COBLL1: variants seen among roughly 807,000 people sequenced by gnomAD.
COBLL1 encodes cordon-bleu WH2 repeat protein like 1.
In COBLL1, 50 loss-of-function variants were observed where a neutral mutation model predicts 94.8. That is an observed-to-expected ratio of 0.53 (90% CI 0.42 to 0.67). The LOEUF (loss-of-function observed/expected upper bound fraction) is 0.67, where lower values mean the gene tolerates loss of function less well. COBLL1 is among the 30% of genes least tolerant of loss of function. COBLL1 has a pLI of 0.00. For missense variants in COBLL1, 1,362 were observed against 1,348.7 expected (o/e 1.01, Z -0.15); for synonymous variants, 448 against 473.8 (o/e 0.95, Z 0.71).
intron 11 of COBLL1, chr2:164,698,261 G>T (rs947746263): frequency 6.6e-6 from 1 of 151,664 alleles, no homozygotes; most frequent in African/African-American, 2.4e-5. Flanking sequence ...AAGTGGAAAA[G>T]AATGAAAAAA....
chr2:164,698,296 TATG>T (rs1247298002), intron 11 of COBLL1: 3 of 151,684 alleles, frequency 2.0e-5, no homozygotes, highest in Admixed American at 6.6e-5. Context: ...ACCTTCTCAG[TATG>T]ATATCTCACA....
chr2:164,809,459 G>A (rs1324502892), intron 2 of COBLL1, among the ~76,000 whole-genome samples: 1 of 151,902 alleles, frequency 6.6e-6, no homozygotes, highest in Admixed American at 6.6e-5. Context: ...AAAAATATTT[G>A]GGGGTCTAAA....
At chr2:164,746,888 C>G (rs1386955018) in intron 2 of COBLL1, among the ~76,000 whole-genome samples, 1 of 152,124 alleles carries the variant, frequency 6.6e-6, no homozygotes, top group Non-Finnish European at 1.5e-5. Context: ...ACCCCCATCT[C>G]TCTGCTTTAC....
chr2:164,702,123 T>C (rs1206764313), intron 9 of COBLL1, among the ~76,000 whole-genome samples: 1 of 152,114 alleles, frequency 6.6e-6, no homozygotes, highest in Non-Finnish European at 1.5e-5. Flanking sequence ...AATAGATTAC[T>C]CAATAAAAAA....
At chr2:164,692,573 G>C in intron 12 of COBLL1, 176 bp from the exon 13 acceptor site, 2 of 553,234 alleles carry the variant, frequency 3.6e-6, no homozygotes, top group Non-Finnish European at 6.4e-6. Context: ...AGCTAAGCTG[G>C]AAGATGAGGG....
At chr2:164,816,287 C>T (rs921281214) in intron 2 of COBLL1, among the ~76,000 whole-genome samples, 1 of 151,952 alleles carries the variant, frequency 6.6e-6, no homozygotes. Context: ...GTGAAACTCC[C>T]CAGTCTTCAG....
At chr2:164,741,903 G>A (rs556214511) in intron 3 of COBLL1, among the ~76,000 whole-genome samples, 112 of 152,246 alleles carry the variant, frequency 7.4e-4, no homozygotes, top group African/African-American at 2.6e-3. Context: ...GGAGGATGAA[G>A]AACTAATTCA....
chr2:164,762,531 G>C (rs1178007399), intron 2 of COBLL1, among the ~76,000 whole-genome samples: 1 of 152,154 alleles, frequency 6.6e-6, no homozygotes, highest in Admixed American at 6.5e-5. Context: ...CTGTGTCTCA[G>C]CTGTCTCGTT....
In COBLL1 at chr2:164,671,684, A is replaced by T. The variant is rs183129949; in HGVS notation, n.127-5783T>A. On this transcript the variant is annotated intron_variant and non_coding_transcript_variant, in intron 1 of 2. Coordinates refer to the COBLL1 transcript ENST00000495084. ...TCCAGAGCTTTATGAGGATAAGGACATTTAGACAATGGAATCGGTTACTGA... is the reference window on the plus strand; with the variant it reads ...TCCAGAGCTTTATGAGGATAAGGACTTTTAGACAATGGAATCGGTTACTGA... Among the ~76,000 whole-genome samples the T allele has an allele frequency of 9.5e-4, 145 of 152,132 alleles. 2 individuals are homozygous for T. The highest frequency in any genetic ancestry group is 3.4e-3 in the African/African-American group (141 of 41,492).
chr2:164,841,042 A>T lies in COBLL1; in HGVS notation c.41+114T>A. 2 of 1,115,620 alleles carry T rather than the reference A, an allele frequency of 1.8e-6. No homozygotes were observed. The highest frequency in any genetic ancestry group is 2.3e-6 in the Non-Finnish European group (2 of 884,034). 69.1% of individuals were successfully genotyped at this position (1,115,620 alleles called of 1,614,324 possible). The stretch of plus-strand genomic sequence containing the variant: ...CCGGCCGCGTGGAGGACAGTCAGTG[A>T]GTCAGGCCGCCGGCAGGGCAGCGAG... On this transcript the variant is annotated intron_variant, in intron 2 of 13. Coordinates refer to ENST00000652658, the MANE Select transcript of COBLL1 (RefSeq NM_001365672.2). The surrounding 1 kb of genome is among the most constrained non-coding windows in gnomAD (Gnocchi z 5.5).
chr2:164,773,644 T>C, intron 2 of COBLL1: 1 of 694,454 alleles, frequency 1.4e-6, no homozygotes, highest in Non-Finnish European at 2.1e-6. Flanking sequence ...TTAGATATTT[T>C]TAAAGCAAAA....
chr2:164,776,068 G>A (rs1033784619), intron 2 of COBLL1, among the ~76,000 whole-genome samples: 1 of 151,038 alleles, frequency 6.6e-6, no homozygotes, highest in East Asian at 2.0e-4. Flanking sequence ...AATGTACTTC[G>A]TCTCCACTTC....
chr2:164,834,653 T>C (rs1172715633), intron 2 of COBLL1, among the ~76,000 whole-genome samples: 1 of 151,852 alleles, frequency 6.6e-6, no homozygotes. Context: ...GGGCAAATAT[T>C]TTTAGCTTTG....
At chr2:164,717,547 T>C (rs764170551) in intron 7 of COBLL1, among the ~76,000 whole-genome samples, 1 of 152,170 alleles carries the variant, frequency 6.6e-6, no homozygotes, top group Non-Finnish European at 1.5e-5. Context: ...ATTTTTACTA[T>C]TTTAAAATTC....
chr2:164,839,139 T>C (rs1301378429), intron 2 of COBLL1, among the ~76,000 whole-genome samples: 1 of 152,278 alleles, frequency 6.6e-6, no homozygotes, highest in South Asian at 2.1e-4. Flanking sequence ...TAAGGCAAAA[T>C]GATAGAACTA....
chr2:164,754,086 T>C (rs1486305910), intron 2 of COBLL1, among the ~76,000 whole-genome samples: 1 of 152,164 alleles, frequency 6.6e-6, no homozygotes, highest in African/African-American at 2.4e-5. Flanking sequence ...AGATCGGGTA[T>C]TTCCAATGAA....
chr2:164,732,420 G>T (rs1375313318), intron 3 of COBLL1, among the ~76,000 whole-genome samples: 5 of 152,068 alleles, frequency 3.3e-5, no homozygotes. Context: ...TTGGTAATAT[G>T]GTACTCTACA....
At chr2:164,699,946 C>A (rs1684162148) in intron 10 of COBLL1, among the ~76,000 whole-genome samples, 1 of 151,964 alleles carries the variant, frequency 6.6e-6, no homozygotes, top group Admixed American at 6.6e-5. Context: ...CAATCTCATG[C>A]AAATTATAAT....
chr2:164,742,216 A>G (rs1686633696), intron 3 of COBLL1, among the ~76,000 whole-genome samples: 1 of 152,126 alleles, frequency 6.6e-6, no homozygotes, highest in Non-Finnish European at 1.5e-5. Flanking sequence ...CCAGAGGTGC[A>G]ATGATAGCAA....
Sources: gnomAD v4.1 joint callset for allele counts (sites outside exome capture counted in the v4.1 genomes callset) on GRCh38, gnomAD v4.1.1 for gene constraint, Gnocchi (gnomAD v3.1) non-coding constraint, MANE v1.5 for transcripts, NCBI Gene and HGNC (gene_info 2026-07-23, HGNC 2026-07-21) for gene names.